GRIK4: variants seen among roughly 807,000 people sequenced by gnomAD.
GRIK4 encodes the protein glutamate ionotropic receptor kainate type subunit 4, also known as glutamate receptor ionotropic, kainate 4.
A neutral mutation model predicts 104.9 loss-of-function variants in GRIK4; 40 were observed. The ratio of observed to expected loss-of-function variants is 0.38; its 90% confidence interval spans 0.30 to 0.50. GRIK4 has a LOEUF of 0.50. Ranked by LOEUF, GRIK4 falls within the 20% of genes least tolerant of loss-of-function variation. GRIK4 has a pLI of 0.93. For missense variants in GRIK4, 1,047 were observed against 1,308.1 expected (o/e 0.80, Z 3.08); for synonymous variants, 485 against 524.9 (o/e 0.92, Z 1.04).
At chr11:120,735,435 G>A (rs903240732) in intron 3 of GRIK4, among the ~76,000 whole-genome samples, 1 of 152,058 alleles carries the variant, frequency 6.6e-6, no homozygotes, top group African/African-American at 2.4e-5. Context: ...CTGGGGGTGG[G>A]GTGATGGAAG....
At chr11:120,909,630 G>T (rs570408560) in intron 13 of GRIK4, among the ~76,000 whole-genome samples, 12 of 152,256 alleles carry the variant, frequency 7.9e-5, no homozygotes, top group Admixed American at 5.9e-4. Flanking sequence ...CAACAAGCAA[G>T]GTACATGTAA....
chr11:120,855,842 C>T (rs966342412), intron 8 of GRIK4, among the ~76,000 whole-genome samples: 1 of 152,250 alleles, frequency 6.6e-6, no homozygotes, highest in African/African-American at 2.4e-5. Flanking sequence ...GGATTATAGG[C>T]GTGAGCCACC....
intron 3 of GRIK4, among the ~76,000 whole-genome samples, chr11:120,759,900 G>A (rs1033940743): frequency 1.3e-5 from 2 of 152,044 alleles, no homozygotes; most frequent in Non-Finnish European, 2.9e-5. Context: ...GATACATATA[G>A]ATAGTAAGAT....
Position 120,958,513 on chromosome 11 carries a change from A to G in GRIK4, c.1874+1560A>G, listed in dbSNP as rs61901454. ...GTTCCATGGAGGAGTGGGAGGTCAG[A>G]AGACAGGGCCATCGTGGCCTACCTC... On this transcript the variant is annotated intron_variant, in intron 16 of 20. Coordinates refer to ENST00000527524, the MANE Select transcript of GRIK4 (RefSeq NM_014619.5). Among the ~76,000 whole-genome samples, 1,231 of 152,358 alleles carry G rather than the reference A, an allele frequency of 8.1e-3. 5 individuals are homozygous for G. Among genetic ancestry groups the G allele is most frequent in the Non-Finnish European group, 0.012 (794 of 68,042 alleles).
chr11:120,946,247 G>A (rs1943857621), intron 14 of GRIK4, among the ~76,000 whole-genome samples: 1 of 152,218 alleles, frequency 6.6e-6, no homozygotes, highest in Non-Finnish European at 1.5e-5. Flanking sequence ...ATTAAAGTGA[G>A]TTTGTATTCC....
chr11:120,774,654 T>C (rs1952006913), intron 3 of GRIK4, among the ~76,000 whole-genome samples: 1 of 152,226 alleles, frequency 6.6e-6, no homozygotes, highest in Non-Finnish European at 1.5e-5. Context: ...TCTAGACTGG[T>C]GTTTGGCCAA....
chr11:120,802,673 A>G lies in GRIK4; in HGVS notation c.83-20A>G, dbSNP rs371451071. ...TAGCGGTGGAGTACCAATTGTCTCC[A>G]TGTGGTTGCCTGCCCACAGCTGCTA... On this transcript the variant is annotated intron_variant, in intron 3 of 20. Coordinates refer to ENST00000527524, the MANE Select transcript of GRIK4 (RefSeq NM_014619.5). 4.7e-5 allele frequency: 75 copies of G among 1,609,550 alleles called. No homozygotes were observed. Among genetic ancestry groups the G allele is most frequent in the African/African-American group, 1.5e-4 (11 of 74,786 alleles).
chr11:120,870,052 G>C lies in GRIK4; in HGVS notation c.907-4014G>C, dbSNP rs1378601520. On this transcript the variant is annotated intron_variant, in intron 9 of 20. Coordinates refer to ENST00000527524, the MANE Select transcript of GRIK4 (RefSeq NM_014619.5). ...CAACCAGACACAGACATGTCCAGAG[G>C]AGAGAGGAGCGTCCTTTTAGGAGAC... The C allele has an allele frequency of 5.2e-5, 8 of 152,402 alleles. No homozygotes were observed. In the East Asian group the frequency reaches 1.3e-3, roughly 26 times the overall value. The allele number at this position is 152,402 out of a possible 1,614,324, so 9.4% of individuals were successfully genotyped here. A position where few individuals can be genotyped will look rare whatever the true frequency, so the allele number is the denominator to read the frequency against.
intron 3 of GRIK4, among the ~76,000 whole-genome samples, chr11:120,779,228 C>T (rs1248745885): frequency 1.3e-5 from 2 of 152,154 alleles, no homozygotes; most frequent in Non-Finnish European, 2.9e-5. Flanking sequence ...AGTCCGCAGG[C>T]CTTCTGTGAG....
chr11:120,651,960 G>T (rs1949625153), intron 1 of GRIK4, among the ~76,000 whole-genome samples: 1 of 152,178 alleles, frequency 6.6e-6, no homozygotes, highest in African/African-American at 2.4e-5. Context: ...TCTGGGACAT[G>T]CAGGGAAGGT....
At chr11:120,631,033 C>T (rs1261994247) in intron 1 of GRIK4, among the ~76,000 whole-genome samples, 1 of 152,242 alleles carries the variant, frequency 6.6e-6, no homozygotes, top group African/African-American at 2.4e-5. Context: ...TCATGTCTCT[C>T]AGCCTCAGTT....
intron 18 of GRIK4, 126 bp downstream of exon 18, chr11:120,962,807 A>C (rs1591338103): frequency 1.7e-6 from 1 of 577,406 alleles, no homozygotes. Flanking sequence ...CAGTGACTTT[A>C]CGTGGGCATT....
intron 1 of GRIK4, among the ~76,000 whole-genome samples, chr11:120,578,757 C>T (rs912994076): frequency 1.1e-4 from 17 of 152,222 alleles, no homozygotes; most frequent in African/African-American, 4.1e-4. Flanking sequence ...TCTCCCCTCC[C>T]GGCGAACGCC....
chr11:120,978,694 A>T (rs560640103), intron 19 of GRIK4, among the ~76,000 whole-genome samples: 111 of 152,286 alleles, frequency 7.3e-4, no homozygotes, highest in African/African-American at 2.6e-3. Context: ...GGAGAAGGGT[A>T]AGAAACTGAA....
At chr11:120,763,182 T>C (rs767975595) in intron 3 of GRIK4, among the ~76,000 whole-genome samples, 16 of 152,218 alleles carry the variant, frequency 1.1e-4, no homozygotes, top group Non-Finnish European at 2.2e-4. Context: ...GGAGGGTTTA[T>C]GTGTCCAGGA....
chr11:120,928,209 G>A (rs1329002076), intron 13 of GRIK4, among the ~76,000 whole-genome samples: 1 of 75,728 alleles, frequency 1.3e-5, no homozygotes, highest in African/African-American at 4.0e-5. Flanking sequence ...GCAAGACTCC[G>A]TCTTAAAAAA....
chr11:120,786,351 G>A lies in GRIK4; in HGVS notation c.83-16342G>A, dbSNP rs568428319. 1.2e-3 allele frequency among the ~76,000 whole-genome samples: 183 copies of A among 152,316 alleles called. 1 individual carries two copies. Among genetic ancestry groups the A allele is most frequent in the Non-Finnish European group, 1.1e-3 (76 of 68,038 alleles). ...TCTCACCATCGCATTCCCCTGCTCCGCTCTTCTGCGTATCCTGGTATCCAC... is the reference window on the plus strand; with the variant it reads ...TCTCACCATCGCATTCCCCTGCTCCACTCTTCTGCGTATCCTGGTATCCAC... On this transcript the variant is annotated intron_variant, in intron 3 of 20. Coordinates refer to ENST00000527524, the MANE Select transcript of GRIK4 (RefSeq NM_014619.5).
At chr11:120,639,604 A>C (rs993799590) in intron 1 of GRIK4, among the ~76,000 whole-genome samples, 1 of 152,140 alleles carries the variant, frequency 6.6e-6, no homozygotes, top group Non-Finnish European at 1.5e-5. Flanking sequence ...CTTGCTTTGC[A>C]TTCCTCCACG....
At chr11:120,804,987 G>T (rs1360833652) in intron 4 of GRIK4, among the ~76,000 whole-genome samples, 2 of 152,154 alleles carry the variant, frequency 1.3e-5, no homozygotes, top group Non-Finnish European at 2.9e-5. Context: ...GAGGAACAAG[G>T]GCCAAAATAG....
Sources: allele counts gnomAD v4.1 joint callset (sites outside exome capture counted in the v4.1 genomes callset), GRCh38; gene constraint gnomAD v4.1.1; transcripts MANE v1.5; gene names NCBI Gene and HGNC (gene_info 2026-07-23, HGNC 2026-07-21).